SAP130: variants seen among roughly 807,000 people sequenced by gnomAD.
The protein encoded by SAP130 is Sin3A associated protein 130.
In SAP130, 16 loss-of-function variants were observed where a neutral mutation model predicts 103.2. The observed-to-expected ratio is 0.16, with a 90% confidence interval of 0.10 to 0.24. SAP130 has a LOEUF of 0.24. SAP130 is among the 10% of genes least tolerant of loss of function. SAP130 has a pLI of 1.00. For synonymous variants in SAP130, 477 were observed against 497.0 expected (o/e 0.96, Z 0.53); for missense variants, 990 against 1,359.7 (o/e 0.73, Z 4.28).
At chr2:127,982,964 AG>A (rs1185307610) in intron 14 of SAP130, among the ~76,000 whole-genome samples, 1 of 152,202 alleles carries the variant, frequency 6.6e-6, no homozygotes, top group East Asian at 1.9e-4. Context: ...AGACAAGGTC[AG>A]GAAGGCTCAC....
Position 127,942,228 on chromosome 2 carries a change from T to G in SAP130, c.3016-64A>C. 1 of 1,468,952 alleles carries G rather than the reference T, an allele frequency of 6.8e-7. No homozygotes were observed. Among genetic ancestry groups the G allele is most frequent in the Non-Finnish European group, 9.2e-7 (1 of 1,085,100 alleles). The allele number at this position is 1,468,952 out of a possible 1,614,324, so 91.0% of individuals were successfully genotyped here. A position where few individuals can be genotyped will look rare whatever the true frequency, so the allele number is the denominator to read the frequency against. The stretch of plus-strand genomic sequence containing the variant: ...GAGGATAGTACAGCTTTTAAAAAAC[T>G]GCTTGCCTTTGGGCAGAGGCCATGT... On this transcript the variant is annotated intron_variant, in intron 20 of 20. Coordinates refer to ENST00000643581, the MANE Select transcript of SAP130 (RefSeq NM_001330301.2). The surrounding 1 kb of genome is among the most constrained non-coding windows in gnomAD (Gnocchi z 4.8).
intron 19 of SAP130, among the ~76,000 whole-genome samples, chr2:127,943,977 C>A (rs996679156): frequency 6.6e-6 from 1 of 152,164 alleles, no homozygotes; most frequent in Non-Finnish European, 1.5e-5. Flanking sequence ...AATGTGGATA[C>A]TGTTGGGCGG....
At chr2:128,002,150 C>T (rs1254768484) in intron 7 of SAP130, among the ~76,000 whole-genome samples, 1 of 152,170 alleles carries the variant, frequency 6.6e-6, no homozygotes, top group Non-Finnish European at 1.5e-5. Flanking sequence ...TGGTCTTGAT[C>T]TCTTGATCCG....
chr2:127,968,146 T>C (rs1023075998), intron 15 of SAP130, among the ~76,000 whole-genome samples: 4 of 151,848 alleles, frequency 2.6e-5, no homozygotes, highest in African/African-American at 7.3e-5. Flanking sequence ...TTCACTCTTA[T>C]TGCCCAAACT....
chr2:127,956,104 T>C (rs1679821505), intron 15 of SAP130, among the ~76,000 whole-genome samples: 1 of 152,004 alleles, frequency 6.6e-6, no homozygotes, highest in Admixed American at 6.6e-5. Context: ...TGATTACTAA[T>C]GGCCAATGCC....
chr2:128,003,673 A>C (rs1343652464), intron 7 of SAP130, among the ~76,000 whole-genome samples: 5 of 151,990 alleles, frequency 3.3e-5, no homozygotes. Context: ...CACGTACCAA[A>C]AACAGTCAGA....
At chr2:128,012,615 T>A (rs140898948) in intron 6 of SAP130, among the ~76,000 whole-genome samples, 1 of 152,212 alleles carries the variant, frequency 6.6e-6, no homozygotes, top group East Asian at 1.9e-4. Context: ...AGGTCATAGA[T>A]TTCCTTAAGA....
In SAP130 at chr2:127,941,722, C is replaced by A; in HGVS notation, c.*284G>T. ...GGCTGAAAAACACCAGCCAGCCATC[C>A]TTGTCATTGCTTCCAACTGGTGGAC... On this transcript the variant is annotated 3_prime_UTR_variant, in exon 21 of 21. Coordinates refer to ENST00000643581, the MANE Select transcript of SAP130 (RefSeq NM_001330301.2). 2.4e-6 allele frequency: 1 copy of A among 412,758 alleles called. No homozygotes were observed. The highest frequency in any genetic ancestry group is 4.6e-5 in the Admixed American group (1 of 21,538). The allele number at this position is 412,758 out of a possible 1,614,324, so 25.6% of individuals were successfully genotyped here.
intron 15 of SAP130, among the ~76,000 whole-genome samples, chr2:127,963,661 G>T (rs925425386): frequency 6.6e-6 from 1 of 152,146 alleles, no homozygotes; most frequent in Non-Finnish European, 1.5e-5. Context: ...GTTACGAGAG[G>T]GACCCTGTGG....
Position 127,955,151 on chromosome 2 carries a change from T to C in SAP130, c.2257A>G (p.Ile753Val), listed in dbSNP as rs1435874452. 6.2e-7 allele frequency: 1 copy of C among 1,614,112 alleles called. No homozygotes were observed. The highest frequency in any genetic ancestry group is 8.5e-7 in the Non-Finnish European group (1 of 1,180,008). Residue 753 changes from isoleucine to valine, a missense_variant, in exon 16 of 21, where the codon ATT becomes GTT. By Grantham distance (29) the Ile-to-Val change is conservative. Transcript: ENST00000643581. This position sits in a 1 kb window ranked among gnomAD's most constrained non-coding sequence, Gnocchi z 4.9. ...GGAGTGATGGGGACCGCTCCAGGAA[T>C]GGTTGAAAGGGCAACGGCTGGTTGT... The part of the protein sequence containing the change: ...PSQPAVALST[I>V]PGAVPITPPI...
At chr2:127,984,632 T>A (rs951471514) in intron 14 of SAP130, among the ~76,000 whole-genome samples, 1 of 152,138 alleles carries the variant, frequency 6.6e-6, no homozygotes, top group Non-Finnish European at 1.5e-5. Flanking sequence ...AGAGTCCTCT[T>A]CTCATTTTCT....
chr2:127,975,034 T>G (rs1357529191), intron 15 of SAP130, among the ~76,000 whole-genome samples: 2 of 152,168 alleles, frequency 1.3e-5, no homozygotes, highest in African/African-American at 4.8e-5. Flanking sequence ...CCTAGGGATG[T>G]ATCTCTCAGA....
chr2:127,966,349 A>AC lies in SAP130; in HGVS notation c.2064-11006_2064-11005insG, dbSNP rs1680656430. 3.3e-5 allele frequency among the ~76,000 whole-genome samples: 5 copies of AC among 152,252 alleles called. No homozygotes were observed. The East Asian group carries it at 9.7e-4, about 29-fold the overall frequency. On this transcript the variant is annotated intron_variant, in intron 15 of 20. Coordinates refer to ENST00000643581, the MANE Select transcript of SAP130 (RefSeq NM_001330301.2). ...GACAGAGCGAGACTCCGTCTCAAAA[A>AC]AATAAAAATAAATAAAACAAACAAA...
intron 15 of SAP130, among the ~76,000 whole-genome samples, chr2:127,973,619 C>T (rs965998104): frequency 2.6e-5 from 4 of 152,208 alleles, no homozygotes; most frequent in Admixed American, 6.5e-5. Flanking sequence ...AGTAAAACGA[C>T]TGAAACTAAC....
Position 127,941,828 on chromosome 2 carries a change from T to G in SAP130, c.*178A>C. ...GAACGCAAGAAGGCAGCTCACTATG[T>G]CCAGTCAGCTCTGATCCTTTCACGC... is the stretch of plus-strand genomic sequence containing the variant. On this transcript the variant is annotated 3_prime_UTR_variant, in exon 21 of 21. Transcript: ENST00000643581. The G allele has an allele frequency of 1.6e-6, 1 of 607,514 alleles. No individual in the cohort carries two copies. The highest frequency in any genetic ancestry group is 2.8e-6 in the Non-Finnish European group (1 of 353,502). 37.6% of individuals were successfully genotyped at this position (607,514 alleles called of 1,614,324 possible). A position where few individuals can be genotyped will look rare whatever the true frequency, so the allele number is the denominator to read the frequency against.
chr2:127,949,766 T>G (rs1679365794), intron 18 of SAP130, 103 bp downstream of exon 18: 1 of 1,245,042 alleles, frequency 8.0e-7, no homozygotes, highest in African/African-American at 1.5e-5. Flanking sequence ...AAACTTATGG[T>G]TTTTTTGAAA....
chr2:127,948,696 T>C (rs762054259), intron 18 of SAP130, among the ~76,000 whole-genome samples: 2 of 152,178 alleles, frequency 1.3e-5, no homozygotes, highest in Non-Finnish European at 2.9e-5. Flanking sequence ...TGTTATTTTA[T>C]AGGTGAGGCA....
intron 19 of SAP130, 123 bp downstream of exon 19, chr2:127,945,333 T>G: frequency 3.2e-6 from 2 of 627,948 alleles, no homozygotes; most frequent in South Asian, 3.8e-5. Flanking sequence ...ATAAAAATTC[T>G]ATCATAACCC....
At chr2:128,023,935 G>T (rs1685325428) in intron 2 of SAP130, among the ~76,000 whole-genome samples, 1 of 77,880 alleles carries the variant, frequency 1.3e-5, no homozygotes. Context: ...ATATTCTCTA[G>T]AATATTCTAG....
Sources: allele counts gnomAD v4.1 joint callset (sites outside exome capture counted in the v4.1 genomes callset), GRCh38; gene constraint gnomAD v4.1.1; non-coding constraint Gnocchi (gnomAD v3.1); transcripts MANE v1.5; gene names NCBI Gene and HGNC (gene_info 2026-07-23, HGNC 2026-07-21).